Variants in OTUB1 observed in about 807,000 individuals in gnomAD.
The protein encoded by OTUB1 is OTU deubiquitinase, ubiquitin aldehyde binding 1.
In OTUB1, 10 loss-of-function variants were observed where a neutral mutation model predicts 35.8. That is an observed-to-expected ratio of 0.28 (90% CI 0.17 to 0.47). The LOEUF (loss-of-function observed/expected upper bound fraction) is 0.47. Ranked by LOEUF, OTUB1 falls within the 20% of genes least tolerant of loss-of-function variation. The probability of loss-of-function intolerance (pLI) is 0.99; values close to 1 mark genes in which losing one functional copy is unlikely to be tolerated. For missense variants in OTUB1, 264 were observed against 351.6 expected (o/e 0.75, Z 1.99); for synonymous variants, 158 against 143.8 (o/e 1.10, Z -0.71).
Position 63,988,905 on chromosome 11 carries a change from G to A in OTUB1, c.219+153G>A, listed in dbSNP as rs1942644853. 5.0e-6 allele frequency: 3 copies of A among 599,940 alleles called. No individual in the cohort carries two copies. The East Asian group carries it at 8.3e-5, about 17-fold the overall frequency. 37.2% of individuals were successfully genotyped at this position (599,940 alleles called of 1,614,324 possible). A position where few individuals can be genotyped will look rare whatever the true frequency, so the allele number is the denominator to read the frequency against. The stretch of plus-strand genomic sequence containing the variant: ...TGGTTCTTGAAGTGCGTAGGCTGAG[G>A]CCTCAAAAACACATTGATTCAATGC... On this transcript the variant is annotated intron_variant, in intron 3 of 6. Transcript: ENST00000538426.
chr11:63,996,727 G>C (rs1445423484), intron 4 of OTUB1, 79 bp downstream of exon 4: 1 of 1,612,248 alleles, frequency 6.2e-7, no homozygotes, highest in African/African-American at 1.3e-5. Context: ...GTCTCGAGTA[G>C]GGTGTCTCCC....
At chr11:63,996,685 G>T in intron 4 of OTUB1, 37 bp downstream of exon 4, 1 of 1,614,074 alleles carries the variant, frequency 6.2e-7, no homozygotes, top group Non-Finnish European at 8.5e-7. Context: ...AGGCAGGTGG[G>T]TGTCTACCTC....
chr11:63,997,675 G>GTT lies in OTUB1; in HGVS notation c.*132_*133dup. 1.3e-6 allele frequency: 1 copy of GTT among 777,936 alleles called. No homozygotes were observed. The highest frequency in any genetic ancestry group is 2.2e-6 in the Non-Finnish European group (1 of 454,382). 48.2% of individuals were successfully genotyped at this position (777,936 alleles called of 1,614,324 possible). ...TTCCTGTCACATGACCCCCCCCCAT[G>GTT]TTTTATTAAAGGGGGTGCTGGTGGT... On this transcript the variant is annotated 3_prime_UTR_variant, in exon 7 of 7. Transcript: ENST00000538426.
intron 3 of OTUB1, chr11:63,990,605 T>TAA (rs1565184943): frequency 7.3e-6 from 1 of 136,576 alleles, no homozygotes; most frequent in African/African-American, 3.3e-5. Flanking sequence ...AAAAAATAAA[T>TAA]AAATAAATAA....
At chr11:63,987,661 C>G (rs1252568707) in intron 1 of OTUB1, among the ~76,000 whole-genome samples, 1 of 152,218 alleles carries the variant, frequency 6.6e-6, no homozygotes, top group African/African-American at 2.4e-5. Context: ...GAGCAGATTG[C>G]TTCACCTGTC....
Position 63,998,238 on chromosome 11 carries a change from GC to G in OTUB1, c.*697del, listed in dbSNP as rs577979511. ...TTCTCCACCTCCCCATCCGCCCCAG[GC>G]CCCCTGCCTGTGCCTGCCTTGCACC... On this transcript the variant is annotated 3_prime_UTR_variant, in exon 7 of 7. Coordinates refer to ENST00000538426, the MANE Select transcript of OTUB1 (RefSeq NM_017670.3). 105 of 181,798 alleles carry G rather than the reference GC, an allele frequency of 5.8e-4. No individual in the cohort carries two copies. The South Asian group carries it at 0.012, about 21-fold the overall frequency. 11.3% of individuals were successfully genotyped at this position (181,798 alleles called of 1,614,324 possible).
In OTUB1 at chr11:63,997,634, C is replaced by T. The variant is rs1015523974; in HGVS notation, c.*88C>T. The T allele has an allele frequency of 5.4e-6, 6 of 1,104,390 alleles. No individual in the cohort carries two copies. Among genetic ancestry groups the T allele is most frequent in the Non-Finnish European group, 8.2e-6 (6 of 728,760 alleles). 68.4% of individuals were successfully genotyped at this position (1,104,390 alleles called of 1,614,324 possible). A position where few individuals can be genotyped will look rare whatever the true frequency, so the allele number is the denominator to read the frequency against. ...GGTTTTTCTGTGGTTGTAAATGGTCCTATTTCACCCCCTTCTTCCTGTCAC... is the reference window on the plus strand; with the variant it reads ...GGTTTTTCTGTGGTTGTAAATGGTCTTATTTCACCCCCTTCTTCCTGTCAC... On this transcript the variant is annotated 3_prime_UTR_variant, in exon 7 of 7. Transcript: ENST00000538426.
intron 3 of OTUB1, chr11:63,989,994 G>C (rs570764968): frequency 7.4e-5 from 11 of 147,772 alleles, no homozygotes; most frequent in Admixed American, 5.4e-4. Flanking sequence ...CAGCCTGGGC[G>C]ACAGAGTGAG....
In OTUB1 at chr11:63,987,823, C is replaced by G. The variant is rs79566862; in HGVS notation, c.59-514C>G. Among the ~76,000 whole-genome samples, 306 of 152,266 alleles carry G rather than the reference C, an allele frequency of 2.0e-3. 9 individuals are homozygous for G. In the East Asian group the frequency reaches 0.045, roughly 23 times the overall value. On this transcript the variant is annotated intron_variant, in intron 1 of 6. Coordinates refer to ENST00000538426, the MANE Select transcript of OTUB1 (RefSeq NM_017670.3). ...CCTCGTCCTACTTTCTGCAAGAGACCACGCCTGGCCCCAGAACATTCCCAG... is the reference window on the plus strand; with the variant it reads ...CCTCGTCCTACTTTCTGCAAGAGACGACGCCTGGCCCCAGAACATTCCCAG...
intron 3 of OTUB1, among the ~76,000 whole-genome samples, chr11:63,993,528 G>T (rs1300220269): frequency 6.6e-6 from 1 of 152,084 alleles, no homozygotes; most frequent in Non-Finnish European, 1.5e-5. Flanking sequence ...GCCGGGCATA[G>T]TGGCGCGCGC....
Position 63,998,157 on chromosome 11 carries a change from G to T in OTUB1, c.*611G>T. The T allele has an allele frequency of 3.6e-6, 1 of 278,790 alleles. No individual in the cohort carries two copies. The highest frequency in any genetic ancestry group is 8.9e-5 in the East Asian group (1 of 11,220). The allele number at this position is 278,790 out of a possible 1,614,324, so 17.3% of individuals were successfully genotyped here. A position where few individuals can be genotyped will look rare whatever the true frequency, so the allele number is the denominator to read the frequency against. On this transcript the variant is annotated 3_prime_UTR_variant, in exon 7 of 7. Transcript: ENST00000538426. ...CGGGCAGTGCCATCCTGGTGGGGGAGGGCAGCCTTCAAACGTGTGGGGTCT... is the reference window on the plus strand; with the variant it reads ...CGGGCAGTGCCATCCTGGTGGGGGATGGCAGCCTTCAAACGTGTGGGGTCT...
At chr11:63,986,660 T>A in intron 1 of OTUB1, 146 bp downstream of exon 1, 1 of 630,076 alleles carries the variant, frequency 1.6e-6, no homozygotes, top group Non-Finnish European at 2.6e-6. Context: ...CTGCCTCCCC[T>A]CCCCCTCACA....
At chr11:63,988,898 GGCTGA>G (rs1377725424) in intron 3 of OTUB1, 146 bp downstream of exon 3, 2 of 610,588 alleles carry the variant, frequency 3.3e-6, no homozygotes, top group Non-Finnish European at 5.9e-6. Context: ...GAAGTGCGTA[GGCTGA>G]GGCCTCAAAA....
chr11:63,996,724 G>A (rs772409890), intron 4 of OTUB1, 76 bp downstream of exon 4: 28 of 1,612,522 alleles, frequency 1.7e-5, no homozygotes, highest in East Asian at 1.1e-4. Flanking sequence ...TGTGTCTCGA[G>A]TAGGGTGTCT....
At chr11:63,996,430 G>A in intron 3 of OTUB1, 100 bp from the exon 4 acceptor site, 3 of 1,349,060 alleles carry the variant, frequency 2.2e-6, no homozygotes, top group Non-Finnish European at 3.1e-6. Flanking sequence ...TGGGAGCTCA[G>A]TTGCCACCTT....
chr11:63,997,970 C>T lies in OTUB1; in HGVS notation c.*424C>T. On this transcript the variant is annotated 3_prime_UTR_variant, in exon 7 of 7. Coordinates refer to ENST00000538426, the MANE Select transcript of OTUB1 (RefSeq NM_017670.3). ...CCCAGGGCCACCCACACTTCATCTGCTCCCTCATAGGCCCCACCTCCACGT... is the reference window on the plus strand; with the variant it reads ...CCCAGGGCCACCCACACTTCATCTGTTCCCTCATAGGCCCCACCTCCACGT... The T allele has an allele frequency of 6.8e-6, 4 of 586,782 alleles. No homozygotes were observed. The highest frequency in any genetic ancestry group is 9.1e-6 in the Non-Finnish European group (3 of 329,348). The allele number at this position is 586,782 out of a possible 1,614,324, so 36.3% of individuals were successfully genotyped here.
chr11:63,993,581 T>G (rs1226717040), intron 3 of OTUB1, among the ~76,000 whole-genome samples: 2 of 151,698 alleles, frequency 1.3e-5, no homozygotes, highest in Non-Finnish European at 2.9e-5. Context: ...GGAGAATTGC[T>G]TGAACCCGGA....
chr11:63,990,589 A>AAAAAAAAAAAATAAAT (rs1406618295), intron 3 of OTUB1: 7 of 137,174 alleles, frequency 5.1e-5, no homozygotes, highest in East Asian at 3.9e-4. Context: ...GTCTCTTAAA[A>AAAAAAAAAAAATAAAT]AAATAAAAAA....
At chr11:63,996,333 G>A (rs912952086) in intron 3 of OTUB1, among the ~76,000 whole-genome samples, 197 bp from the exon 4 acceptor site, 4 of 152,204 alleles carry the variant, frequency 2.6e-5, no homozygotes, top group African/African-American at 7.2e-5. Flanking sequence ...GCTTCCTGCC[G>A]TCTTTTGGGA....
Sources: allele counts gnomAD v4.1 joint callset (sites outside exome capture counted in the v4.1 genomes callset), GRCh38; gene constraint gnomAD v4.1.1; transcripts MANE v1.5; gene names NCBI Gene and HGNC (gene_info 2026-07-23, HGNC 2026-07-21).